The following DNAH11 variants were observed in gnomAD, a reference collection of about 807,000 sequenced individuals.
DNAH11 encodes the protein dynein axonemal heavy chain 11.
A neutral mutation model predicts 526.0 loss-of-function variants in DNAH11; 442 were observed. That is an observed-to-expected ratio of 0.84 (90% CI 0.78 to 0.91). The LOEUF is 0.91. DNAH11 is among the 40% of genes least tolerant of loss of function. DNAH11 has a pLI of 0.00. For missense variants in DNAH11, 6,989 were observed against 5,448.7 expected (o/e 1.28, Z -8.90); for synonymous variants, 2,461 against 1,935.9 (o/e 1.27, Z -7.12).
chr7:21,880,109 A>G (rs6979604), intron 74 of DNAH11, among the ~76,000 whole-genome samples: 27,930 of 150,840 alleles, frequency 0.19, 2,940 homozygotes, highest in Non-Finnish European at 0.24. Context: ...AAAGAAAGAA[A>G]GAAAAAAAGG....
At chr7:21,575,393 T>C (rs555140935) in intron 8 of DNAH11, among the ~76,000 whole-genome samples, 2 of 152,214 alleles carry the variant, frequency 1.3e-5, no homozygotes, top group Non-Finnish European at 2.9e-5. Context: ...CTAAAATACA[T>C]TTTAAAAGTA....
chr7:21,732,250 T>A (rs899466405), intron 45 of DNAH11, among the ~76,000 whole-genome samples: 2 of 152,204 alleles, frequency 1.3e-5, no homozygotes, highest in Non-Finnish European at 2.9e-5. Context: ...AGCCACTTTC[T>A]CTCTGCATCC....
At chr7:21,700,910 G>A (rs1784028611) in intron 36 of DNAH11, among the ~76,000 whole-genome samples, 1 of 152,166 alleles carries the variant, frequency 6.6e-6, no homozygotes, top group Non-Finnish European at 1.5e-5. Context: ...GTTGAACAGT[G>A]AGAACATATG....
At chr7:21,661,064 A>T (rs1242710365) in intron 30 of DNAH11, among the ~76,000 whole-genome samples, 1 of 152,108 alleles carries the variant, frequency 6.6e-6, no homozygotes, top group Non-Finnish European at 1.5e-5. Context: ...CCACTCAGGC[A>T]CTTACATTCT....
chr7:21,582,425 T>C (rs1321264127), intron 9 of DNAH11, among the ~76,000 whole-genome samples: 1 of 152,180 alleles, frequency 6.6e-6, no homozygotes, highest in Non-Finnish European at 1.5e-5. Context: ...CTGAAACAAA[T>C]AGCAATTTAT....
In DNAH11 at chr7:21,718,188, G is replaced by GTT. The variant is rs146409469; in HGVS notation, c.7134+263_7134+264insTT. ...AAGAAGGTTAGAACCATGTTTTACT[G>GTT]ATTTTTTTTTAGTATCCCCAGATAG... On this transcript the variant is annotated intron_variant, in intron 43 of 81. Coordinates refer to ENST00000409508, the MANE Select transcript of DNAH11 (RefSeq NM_001277115.2). Among the ~76,000 whole-genome samples the GTT allele has an allele frequency of 0.013, 1,914 of 151,326 alleles. 45 individuals are homozygous for GTT. The highest frequency in any genetic ancestry group is 0.044 in the African/African-American group (1,807 of 41,052).
At chr7:21,678,261 A>G (rs149661722) in intron 30 of DNAH11, among the ~76,000 whole-genome samples, 3 of 151,794 alleles carry the variant, frequency 2.0e-5, no homozygotes, top group East Asian at 3.9e-4. Flanking sequence ...GTATAGTGTA[A>G]GGGTCCAATT....
Position 21,729,369 on chromosome 7 carries a change from T to C in DNAH11, c.7440+3385T>C, listed in dbSNP as rs114502938. On this transcript the variant is annotated intron_variant, in intron 45 of 81. Transcript: ENST00000409508. ...CTAAGAATTACACCCCTAATTTCTT[T>C]ATGGAGTCGTTGTCTGGCCACACTT... Among the ~76,000 whole-genome samples the C allele has an allele frequency of 5.4e-3, 823 of 152,332 alleles. 5 individuals carry two copies. The highest frequency in any genetic ancestry group is 0.018 in the African/African-American group (729 of 41,568).
intron 65 of DNAH11, among the ~76,000 whole-genome samples, chr7:21,839,593 C>T (rs948598379): frequency 2.0e-5 from 3 of 149,708 alleles, no homozygotes; most frequent in Admixed American, 1.3e-4. Context: ...AAAAAGGGGA[C>T]GTATGTAATG....
chr7:21,667,722 A>G (rs1782474425), intron 30 of DNAH11, among the ~76,000 whole-genome samples: 1 of 152,184 alleles, frequency 6.6e-6, no homozygotes, highest in Admixed American at 6.5e-5. Flanking sequence ...CATACAATAA[A>G]GGGATAGGGA....
Position 21,559,652 on chromosome 7 carries a change from A to T in DNAH11, c.742A>T (p.Ile248Phe). Residue 248 changes from isoleucine (I) to phenylalanine (F), a missense_variant, in exon 4 of 82, where the codon ATT becomes TTT. Coordinates refer to ENST00000409508, the MANE Select transcript of DNAH11 (RefSeq NM_001277115.2). ...ACTTCATGCAATTGAATCTGTGGTT[A>T]TTGAATGGTCACATCAAATCCAAGA... ...IILHAIESVV[I>F]EWSHQIQEII... 6.2e-7 allele frequency: 1 copy of T among 1,612,344 alleles called. No individual in the cohort carries two copies. Among genetic ancestry groups the T allele is most frequent in the Middle Eastern group, 1.7e-4 (1 of 6,048 alleles).
chr7:21,880,034 G>A (rs1439228351), intron 74 of DNAH11, among the ~76,000 whole-genome samples: 1 of 148,870 alleles, frequency 6.7e-6, no homozygotes, highest in Non-Finnish European at 1.5e-5. Context: ...GCAATGAGCT[G>A]AGTTGGTGCC....
chr7:21,735,868 A>G (rs781154074), intron 46 of DNAH11, 24 bp downstream of exon 46: 5 of 1,565,362 alleles, frequency 3.2e-6, no homozygotes, highest in Admixed American at 1.8e-5. Context: ...TTTATTTTCT[A>G]GAAACAAGGG....
Position 21,861,931 on chromosome 7 carries a change from A to G in DNAH11, c.11281A>G (p.Met3761Val). The stretch of plus-strand genomic sequence containing the variant: ...CATGCAGGGACGCATCTCTATCCTG[A>G]TGGAGAGCATCACCCATGCTGTCTT... Reference protein sequence around the residue: ...EDMQGRISILMESITHAVFLY... With the variant: ...EDMQGRISILVESITHAVFLY... Residue 3761 changes from methionine (M) to valine (V), a missense_variant, in exon 69 of 82, where the codon ATG (methionine) becomes GTG (valine). Physicochemically the swap from Met to Val is conservative, Grantham distance 21. Transcript: ENST00000409508. 1 of 1,613,630 alleles carries G rather than the reference A, an allele frequency of 6.2e-7. No homozygotes were observed.
At chr7:21,865,556 G>T (rs1460979704) in intron 70 of DNAH11, among the ~76,000 whole-genome samples, 1 of 152,174 alleles carries the variant, frequency 6.6e-6, no homozygotes, top group Non-Finnish European at 1.5e-5. Context: ...CATAAGAAAT[G>T]AAGTTATGGG....
chr7:21,814,337 A>T (rs1356583928), intron 63 of DNAH11, among the ~76,000 whole-genome samples: 3 of 84,178 alleles, frequency 3.6e-5, no homozygotes, highest in South Asian at 3.5e-4. Context: ...AATTTATTTT[A>T]TTTATTTATT....
At chr7:21,730,989 C>CA (rs1562514716) in intron 45 of DNAH11, among the ~76,000 whole-genome samples, 1 of 151,944 alleles carries the variant, frequency 6.6e-6, no homozygotes, top group Admixed American at 6.6e-5. Flanking sequence ...ACTAAAAATA[C>CA]AAAAAATAGC....
chr7:21,682,067 T>C (rs1346688553), intron 31 of DNAH11, among the ~76,000 whole-genome samples: 3 of 152,212 alleles, frequency 2.0e-5, no homozygotes, highest in African/African-American at 7.2e-5. Flanking sequence ...TTAAACCATG[T>C]CTGTGTGCCT....
Position 21,750,312 on chromosome 7 carries a change from C to A in DNAH11, c.8888C>A (p.Ser2963Tyr), listed in dbSNP as rs374033085. The part of the protein sequence containing the change: ...NEVHALGMVD[S>Y]RENCWKFFMA... ...GTTCATGCTCTGGGCATGGTAGACT[C>A]CAGGGAAAACTGTTGGAAATTCTTT... Residue 2963 changes from serine to tyrosine, a missense_variant, in exon 54 of 82, where the codon TCC (serine) becomes TAC (tyrosine). Physicochemically the swap from Ser to Tyr is moderately radical, Grantham distance 144 (BLOSUM62 -2). Transcript: ENST00000409508. The A allele has an allele frequency of 4.9e-4, 792 of 1,605,632 alleles. No homozygotes were observed. The highest frequency in any genetic ancestry group is 8.0e-4 in the Admixed American group (47 of 58,964).
Sources: allele counts gnomAD v4.1 joint callset (sites outside exome capture counted in the v4.1 genomes callset), GRCh38; gene constraint gnomAD v4.1.1; transcripts MANE v1.5; gene names NCBI Gene and HGNC (gene_info 2026-07-23, HGNC 2026-07-21).